Variants in DAB1 observed in about 807,000 individuals in gnomAD.
The protein encoded by DAB1 is DAB adaptor protein 1.
Under a neutral mutation model 64.6 loss-of-function variants are expected in DAB1, and 15 were observed. The observed-to-expected ratio is 0.23, with a 90% CI of 0.16 to 0.36. The LOEUF is 0.36. Among genes scored for constraint, DAB1 ranks in the 10% least tolerant of loss-of-function variants. The pLI, the probability that DAB1 is intolerant of heterozygous loss-of-function variation, is 1.00. For missense variants in DAB1, 596 were observed against 706.7 expected, an observed-to-expected ratio of 0.84 and a Z score of 1.78; for synonymous variants, 235 against 251.9, an observed-to-expected ratio of 0.93 and a Z score of 0.64.
intron 3 of DAB1, among the ~76,000 whole-genome samples, chr1:58,403,692 A>G (rs1644592066): frequency 6.6e-6 from 1 of 152,220 alleles, no homozygotes; most frequent in African/African-American, 2.4e-5. Flanking sequence ...GTGAGGATGA[A>G]CTAGATCTTG....
intron 4 of DAB1, among the ~76,000 whole-genome samples, chr1:58,282,003 C>T (rs1389579619): frequency 1.3e-5 from 2 of 152,144 alleles, no homozygotes; most frequent in African/African-American, 2.4e-5. Context: ...TCATCATCCT[C>T]ATCTTTGTAT....
At chr1:58,247,269 C>G (rs974267216) in intron 4 of DAB1, among the ~76,000 whole-genome samples, 1 of 147,870 alleles carries the variant, frequency 6.8e-6, no homozygotes, top group South Asian at 2.3e-4. Context: ...CCCCCCCCGC[C>G]AGGTTAAATA....
rs192748932 is a variant in DAB1 at position 57,555,833 on chromosome 1, G to A, written n.625+93759C>T. 2.2e-4 allele frequency among the ~76,000 whole-genome samples: 33 copies of A among 152,228 alleles called. No individual in the cohort carries two copies. In the East Asian group the frequency reaches 4.4e-3, roughly 21 times the overall value. On this transcript the variant is annotated intron_variant and non_coding_transcript_variant, in intron 7 of 20. Coordinates refer to the DAB1 transcript ENST00000485760. The stretch of plus-strand genomic sequence containing the variant: ...AGTCTTTCCCAAGGAATTTCTATGT[G>A]TTGGGAAACATGATATGAAATCCAT...
intron 1 of DAB1, among the ~76,000 whole-genome samples, chr1:57,310,509 G>A (rs1458346238): frequency 2.6e-5 from 4 of 152,118 alleles, no homozygotes; most frequent in South Asian, 2.1e-4. Flanking sequence ...CAGAGTCCTC[G>A]CTGCTAAGTG....
chr1:57,126,127 C>G (rs1657105816), intron 4 of DAB1, among the ~76,000 whole-genome samples: 1 of 151,260 alleles, frequency 6.6e-6, no homozygotes, highest in East Asian at 1.9e-4. Context: ...ACTTTACCAG[C>G]TTGGCATGGT....
At position 58,217,666 on chromosome 1, in the gene DAB1, C is replaced by T. The variant is rs117107308; in HGVS notation, n.310-67078G>A. Among the ~76,000 whole-genome samples, 54 of 152,278 alleles carry T rather than the reference C, an allele frequency of 3.5e-4. No homozygotes were observed. The East Asian group carries it at 9.8e-3, about 28-fold the overall frequency. The stretch of plus-strand genomic sequence containing the variant: ...TGGGATATTAGGAGTATTATTCTCC[C>T]ATTTTAGAGATAAAGAAACTAAGAT... On this transcript the variant is annotated intron_variant and non_coding_transcript_variant, in intron 4 of 20. Transcript: ENST00000485760.
chr1:57,582,599 G>T (rs1645327083), intron 7 of DAB1, among the ~76,000 whole-genome samples: 1 of 152,180 alleles, frequency 6.6e-6, no homozygotes, highest in South Asian at 2.1e-4. Context: ...CCATAGCATG[G>T]GCAAATAGGT....
chr1:57,227,517 TTTTGTGTGTG>T (rs1359412959), intron 2 of DAB1, among the ~76,000 whole-genome samples: 7 of 118,242 alleles, frequency 5.9e-5, no homozygotes, highest in African/African-American at 2.0e-4. Context: ...ATTTTTTTTC[TTTTGTGTGTG>T]TGTGTGTGTG....
At chr1:57,425,030 G>C (rs1685227766), upstream of DAB1, among the ~76,000 whole-genome samples, 1 of 152,158 alleles carries the variant, frequency 6.6e-6, no homozygotes, top group Admixed American at 6.5e-5. Context: ...ACACCAAGTC[G>C]CAGAAAATAT....
At chr1:58,481,406 T>C (rs908885684) in intron 3 of DAB1, among the ~76,000 whole-genome samples, 1 of 152,144 alleles carries the variant, frequency 6.6e-6, no homozygotes, top group African/African-American at 2.4e-5. Context: ...ACAATAGTAT[T>C]AATAATCTGT....
chr1:57,532,919 A>T (rs1644682662), intron 7 of DAB1, among the ~76,000 whole-genome samples: 1 of 152,128 alleles, frequency 6.6e-6, no homozygotes, highest in South Asian at 2.1e-4. Flanking sequence ...TCATTTAATA[A>T]CCCCTAGTAA....
chr1:57,519,048 A>G (rs1644495242), intron 7 of DAB1, among the ~76,000 whole-genome samples: 1 of 152,268 alleles, frequency 6.6e-6, no homozygotes. Flanking sequence ...CGCATAGAAA[A>G]GAGCCTGCCT....
chr1:57,096,204 C>T (rs1371435146), intron 4 of DAB1, among the ~76,000 whole-genome samples: 5 of 152,142 alleles, frequency 3.3e-5, no homozygotes, highest in African/African-American at 4.8e-5. Flanking sequence ...GGGATTTACA[C>T]CCAAGCCTTT....
intron 2 of DAB1, among the ~76,000 whole-genome samples, chr1:57,199,548 C>A (rs531114992): frequency 2.6e-5 from 4 of 152,200 alleles, no homozygotes; most frequent in Non-Finnish European, 5.9e-5. Flanking sequence ...AGACCGCGGG[C>A]TATGCACGGG....
At chr1:57,809,474 C>A (rs61126565) in intron 6 of DAB1, among the ~76,000 whole-genome samples, 1 of 152,246 alleles carries the variant, frequency 6.6e-6, no homozygotes, top group African/African-American at 2.4e-5. Context: ...ATTTAAGTGG[C>A]TGGGATTTAA....
intron 5 of DAB1, among the ~76,000 whole-genome samples, chr1:58,057,805 T>C (rs113279853): frequency 0.041 from 6,257 of 152,166 alleles, 446 homozygotes; most frequent in African/African-American, 0.14. Flanking sequence ...CAACTCCACA[T>C]TGAGTGCCCA....
chr1:58,457,287 T>C (rs541104954), intron 3 of DAB1, among the ~76,000 whole-genome samples: 12 of 152,164 alleles, frequency 7.9e-5, no homozygotes, highest in African/African-American at 2.2e-4. Context: ...ATCCAAGAAG[T>C]AGCGAGGAAA....
intron 6 of DAB1, among the ~76,000 whole-genome samples, chr1:57,687,595 G>GAAAAAAAAA (rs1646713667): frequency 6.1e-5 from 1 of 16,426 alleles, no homozygotes; most frequent in Non-Finnish European, 1.1e-4. Context: ...GTAATCTTAA[G>GAAAAAAAAA]AAACAAAAAA....
intron 2 of DAB1, among the ~76,000 whole-genome samples, chr1:57,160,853 C>A (rs1279245724): frequency 1.3e-5 from 2 of 152,144 alleles, no homozygotes; most frequent in African/African-American, 4.8e-5. Context: ...GTAGCAGCAT[C>A]CAATCAATAA....
Sources: gnomAD v4.1 joint callset for allele counts (sites outside exome capture counted in the v4.1 genomes callset) on GRCh38, gnomAD v4.1.1 for gene constraint, MANE v1.5 for transcripts, NCBI Gene and HGNC (gene_info 2026-07-23, HGNC 2026-07-21) for gene names.